NCBP1: variants seen among roughly 807,000 people sequenced by gnomAD.
NCBP1 encodes the protein nuclear cap-binding protein subunit 1.
Under a neutral mutation model 111.7 loss-of-function variants are expected in NCBP1, and 16 were observed. The observed-to-expected ratio is 0.14, with a 90% CI of 0.10 to 0.22. NCBP1 has a LOEUF of 0.22. NCBP1 is among the 10% of genes least tolerant of loss of function. The pLI, the probability that NCBP1 is intolerant of heterozygous loss-of-function variation, is 1.00. For synonymous variants in NCBP1, 304 were observed against 314.3 expected, an observed-to-expected ratio of 0.97 and a Z score of 0.35; for missense variants, 607 against 957.5, an observed-to-expected ratio of 0.63 and a Z score of 4.83.
intron 22 of NCBP1, chr9:97,670,178 G>T: frequency 4.4e-6 from 1 of 225,964 alleles, no homozygotes; most frequent in South Asian, 7.0e-5. Flanking sequence ...GCCTCCCAAA[G>T]TGCTGCTGGG....
intron 13 of NCBP1, 121 bp from the exon 14 acceptor site, chr9:97,655,890 C>A: frequency 1.5e-6 from 2 of 1,309,502 alleles, no homozygotes; most frequent in South Asian, 1.3e-5. Context: ...CAAATAGTTA[C>A]AAGTGCAATT....
chr9:97,646,956 T>C lies in NCBP1; in HGVS notation c.612-536T>C, dbSNP rs562361081. On this transcript the variant is annotated intron_variant, in intron 6 of 22. Coordinates refer to ENST00000375147, the MANE Select transcript of NCBP1 (RefSeq NM_002486.5). ...TTCTTCACTTGGCTTTTTTTTTTTT[T>C]CTTACTATAACTTGGATTTGTTGCA... 1.4e-4 allele frequency among the ~76,000 whole-genome samples: 22 copies of C among 151,824 alleles called. No homozygotes were observed. The East Asian group carries it at 3.5e-3, about 24-fold the overall frequency.
chr9:97,664,506 T>C (rs962616036), intron 19 of NCBP1, 63 bp downstream of exon 19: 41 of 1,093,888 alleles, frequency 3.7e-5, no homozygotes, highest in African/African-American at 2.8e-4. Context: ...TGGTCTCTTA[T>C]ACATAAGCTT....
intron 1 of NCBP1, among the ~76,000 whole-genome samples, 190 bp downstream of exon 1, chr9:97,634,105 A>G (rs930652176): frequency 6.6e-6 from 1 of 152,220 alleles, no homozygotes. Context: ...CCCCCGCCCC[A>G]GTTCTTTGAG....
chr9:97,649,089 T>TTATTCA (rs1827428972), intron 8 of NCBP1, among the ~76,000 whole-genome samples: 1 of 152,244 alleles, frequency 6.6e-6, no homozygotes, highest in Non-Finnish European at 1.5e-5. Context: ...TGTCTTGTGA[T>TTATTCA]TATTCATATT....
Position 97,645,605 on chromosome 9 carries a change from C to T in NCBP1, c.490-6C>T. Reference sequence around the variant, plus strand: ...TTTTAAACTTAACTTTTTAAAAATCCTTTAGGTGCGACGAGATTGGTATGT... The same window carrying T: ...TTTTAAACTTAACTTTTTAAAAATCTTTTAGGTGCGACGAGATTGGTATGT... On this transcript the variant is annotated splice_region_variant and splice_polypyrimidine_tract_variant and intron_variant, in intron 5 of 22. Transcript: ENST00000375147. The T allele has an allele frequency of 8.7e-6, 14 of 1,611,070 alleles. No homozygotes were observed. Among genetic ancestry groups the T allele is most frequent in the Non-Finnish European group, 1.2e-5 (14 of 1,178,272 alleles).
chr9:97,637,607 G>GTT (rs1827083298), intron 1 of NCBP1, among the ~76,000 whole-genome samples: 1 of 150,348 alleles, frequency 6.7e-6, no homozygotes, highest in Non-Finnish European at 1.5e-5. Context: ...AGAGAGTATA[G>GTT]TTTATTTCAG....
At chr9:97,669,550 G>A (rs1322245763) in intron 21 of NCBP1, 43 bp from the exon 22 acceptor site, 1 of 1,384,952 alleles carries the variant, frequency 7.2e-7, no homozygotes, top group Non-Finnish European at 1.0e-6. Flanking sequence ...CAAAGTATAA[G>A]ATTCTGTCTG....
At position 97,634,173 on chromosome 9, in the gene NCBP1, C is replaced by T. The variant is rs75447984; in HGVS notation, c.34+258C>T. Among the ~76,000 whole-genome samples, 1,274 of 152,356 alleles carry T rather than the reference C, an allele frequency of 8.4e-3. 19 individuals are homozygous for T. The highest frequency in any genetic ancestry group is 0.029 in the African/African-American group (1,188 of 41,578). On this transcript the variant is annotated intron_variant, in intron 1 of 22. Transcript: ENST00000375147. ...TGAACCCCATGGGTAGACCCTTGGT[C>T]TCTAAGGATGCTTCAGAATTTCGTC...
intron 3 of NCBP1, among the ~76,000 whole-genome samples, chr9:97,642,758 A>G (rs1248079035): frequency 3.3e-5 from 5 of 152,084 alleles, no homozygotes; most frequent in Non-Finnish European, 7.4e-5. Context: ...TTCTAGTTCC[A>G]TGACATTTGG....
At chr9:97,651,448 G>C in intron 10 of NCBP1, 75 bp downstream of exon 10, 1 of 1,299,648 alleles carries the variant, frequency 7.7e-7, no homozygotes, top group Non-Finnish European at 1.1e-6. Flanking sequence ...TCTACTCTTG[G>C]CTTATTTATT....
chr9:97,669,529 G>T lies in NCBP1; in HGVS notation c.2146-64G>T, dbSNP rs575857444. ...CAATACTTTGGGGTTTCTTTGTCAT[G>T]AATTTTTTTCCAAAGTATAAGATTC... On this transcript the variant is annotated intron_variant, in intron 21 of 22. Coordinates refer to ENST00000375147, the MANE Select transcript of NCBP1 (RefSeq NM_002486.5). 9.5e-6 allele frequency: 11 copies of T among 1,155,652 alleles called. No homozygotes were observed. In the South Asian group the frequency reaches 1.4e-4, roughly 15 times the overall value. The allele number at this position is 1,155,652 out of a possible 1,614,324, so 71.6% of individuals were successfully genotyped here.
chr9:97,662,355 CT>C (rs1022435403), intron 17 of NCBP1, among the ~76,000 whole-genome samples: 3 of 152,080 alleles, frequency 2.0e-5, no homozygotes, highest in African/African-American at 7.2e-5. Flanking sequence ...ATGGTAAGTG[CT>C]TTTTTTCATA....
At chr9:97,638,777 G>A (rs1340336217) in intron 1 of NCBP1, among the ~76,000 whole-genome samples, 1 of 151,976 alleles carries the variant, frequency 6.6e-6, no homozygotes, top group Non-Finnish European at 1.5e-5. Context: ...AGCATGCCTG[G>A]CCCCTACCCA....
intron 6 of NCBP1, 45 bp from the exon 7 acceptor site, chr9:97,647,447 C>G: frequency 2.0e-6 from 3 of 1,469,330 alleles, no homozygotes; most frequent in Non-Finnish European, 9.5e-7. Context: ...CTGAGCATCT[C>G]TTGTTTTTAA....
chr9:97,645,953 T>G (rs1827322752), intron 6 of NCBP1, among the ~76,000 whole-genome samples: 1 of 152,250 alleles, frequency 6.6e-6, no homozygotes, highest in African/African-American at 2.4e-5. Context: ...TAGCTTCTTT[T>G]AAGCTGCTTT....
chr9:97,658,617 T>A (rs770743239), intron 14 of NCBP1, 23 bp from the exon 15 acceptor site: 31 of 1,541,612 alleles, frequency 2.0e-5, no homozygotes, highest in Non-Finnish European at 2.7e-5. Flanking sequence ...AGATATTTTC[T>A]GAGGCTGTTA....
chr9:97,656,661 T>G (rs1827664800), intron 14 of NCBP1, among the ~76,000 whole-genome samples: 1 of 152,250 alleles, frequency 6.6e-6, no homozygotes, highest in Non-Finnish European at 1.5e-5. Context: ...ATTCCATAGC[T>G]ATTAACATTT....
At position 97,648,323 on chromosome 9, in the gene NCBP1, G is replaced by A. The variant is rs143206927; in HGVS notation, c.897+100G>A. The A allele has an allele frequency of 1.5e-4, 169 of 1,124,906 alleles. 2 individuals carry two copies. In the African/African-American group the frequency reaches 2.3e-3, roughly 15 times the overall value. 69.7% of individuals were successfully genotyped at this position (1,124,906 alleles called of 1,614,324 possible). The stretch of plus-strand genomic sequence containing the variant: ...TGCCTGTGGTATGTTTTAATTTTGA[G>A]TTGTTTTTATCTAAGAAGGTCAGTA... On this transcript the variant is annotated intron_variant, in intron 8 of 22. Transcript: ENST00000375147.
Sources: gnomAD v4.1 joint callset for allele counts (sites outside exome capture counted in the v4.1 genomes callset) on GRCh38, gnomAD v4.1.1 for gene constraint, MANE v1.5 for transcripts, NCBI Gene and HGNC (gene_info 2026-07-23, HGNC 2026-07-21) for gene names.